Variants in FAM222B observed in about 807,000 individuals in gnomAD.
The protein encoded by FAM222B is family with sequence similarity 222 member B.
Under a neutral mutation model 38.0 loss-of-function variants are expected in FAM222B, and 12 were observed. The observed-to-expected ratio is 0.32, with a 90% CI of 0.20 to 0.51. The LOEUF (loss-of-function observed/expected upper bound fraction) is 0.51, where lower values mean the gene tolerates loss of function less well. Ranked by LOEUF, FAM222B falls within the 20% of genes least tolerant of loss-of-function variation. The pLI, the probability that FAM222B is intolerant of heterozygous loss-of-function variation, is 0.97. For missense variants in FAM222B, 716 were observed against 754.2 expected (o/e 0.95, Z 0.59); for synonymous variants, 329 against 317.2 (o/e 1.04, Z -0.40).
chr17:28,834,144 T>C (rs1203801712), intron 1 of FAM222B: 2 of 152,206 alleles, frequency 1.3e-5, no homozygotes, highest in Non-Finnish European at 2.9e-5. Context: ...CCATGACTAC[T>C]GTACCTGATT....
At chr17:28,820,912 T>A (rs1300308626) in intron 1 of FAM222B, among the ~76,000 whole-genome samples, 1 of 151,952 alleles carries the variant, frequency 6.6e-6, no homozygotes, top group Non-Finnish European at 1.5e-5. Flanking sequence ...AGTGCTGGGA[T>A]TACAGGAGTG....
rs532017770 is a variant in FAM222B at position 28,759,954 on chromosome 17, T to G, written c.83-78A>C. 8.8e-6 allele frequency: 12 copies of G among 1,357,850 alleles called. No homozygotes were observed. In the Admixed American group the frequency reaches 2.6e-4, roughly 30 times the overall value. 84.1% of individuals were successfully genotyped at this position (1,357,850 alleles called of 1,614,324 possible). A position where few individuals can be genotyped will look rare whatever the true frequency, so the allele number is the denominator to read the frequency against. Reference sequence around the variant, plus strand: ...GCCAAGGCAAACAGCCCTTCCAGATTCCCCTTTTGAGGGCCTGGGGTGGGG... The same window carrying G: ...GCCAAGGCAAACAGCCCTTCCAGATGCCCCTTTTGAGGGCCTGGGGTGGGG... On this transcript the variant is annotated intron_variant, in intron 2 of 2. Transcript: ENST00000581407. The surrounding 1 kb of genome is among the most constrained non-coding windows in gnomAD (Gnocchi z 4.8).
chr17:28,811,140 C>T (rs1467767288), intron 1 of FAM222B, among the ~76,000 whole-genome samples: 3 of 152,140 alleles, frequency 2.0e-5, no homozygotes, highest in South Asian at 2.1e-4. Flanking sequence ...AAACACGTTT[C>T]GTTGAAAATG....
At chr17:28,784,175 A>AT (rs901478798) in intron 1 of FAM222B, among the ~76,000 whole-genome samples, 6 of 151,916 alleles carry the variant, frequency 3.9e-5, no homozygotes, top group African/African-American at 1.5e-4. Context: ...AGTAAACATT[A>AT]TTTACATGTT....
intron 1 of FAM222B, among the ~76,000 whole-genome samples, chr17:28,836,542 T>C (rs2152622886): frequency 6.6e-6 from 1 of 152,016 alleles, no homozygotes; most frequent in South Asian, 2.1e-4. Flanking sequence ...AAGTGAGCAA[T>C]TCCTGTCCCT....
intron 1 of FAM222B, among the ~76,000 whole-genome samples, chr17:28,811,292 T>C (rs1429940820): frequency 6.6e-6 from 1 of 151,912 alleles, no homozygotes; most frequent in South Asian, 2.1e-4. Context: ...TACAAAAAAT[T>C]AGCCAGGTGT....
chr17:28,818,046 A>G (rs903854651), intron 1 of FAM222B, among the ~76,000 whole-genome samples: 5 of 152,162 alleles, frequency 3.3e-5, no homozygotes. Flanking sequence ...GTTAGGCTTC[A>G]AAATCTATTG....
At chr17:28,777,793 T>C (rs78641102) in intron 1 of FAM222B, among the ~76,000 whole-genome samples, 33 of 151,790 alleles carry the variant, frequency 2.2e-4, no homozygotes, top group African/African-American at 6.8e-4. Flanking sequence ...TTTTTTTTTT[T>C]CTTCAGTTTT....
At chr17:28,788,722 T>G (rs993782286) in intron 1 of FAM222B, among the ~76,000 whole-genome samples, 5 of 152,030 alleles carry the variant, frequency 3.3e-5, no homozygotes, top group African/African-American at 1.2e-4. Context: ...TAATTGTAAT[T>G]TGCCCTCCCT....
intron 2 of FAM222B, chr17:28,761,887 T>C (rs1666283724): frequency 6.6e-6 from 1 of 152,144 alleles, no homozygotes; most frequent in Admixed American, 6.6e-5. Flanking sequence ...TTATTGGTCA[T>C]AATCTCATAT....
At chr17:28,848,988 G>C (rs1203363249) in intron 1 of FAM222B, 1 of 151,010 alleles carries the variant, frequency 6.6e-6, no homozygotes, top group Non-Finnish European at 1.5e-5. Context: ...CCGGCCGGGC[G>C]CGGTGGCTTA....
chr17:28,814,013 C>G (rs879197407), intron 1 of FAM222B, among the ~76,000 whole-genome samples: 1 of 151,776 alleles, frequency 6.6e-6, no homozygotes, highest in African/African-American at 2.4e-5. Flanking sequence ...TGTTCGAGAC[C>G]AGCCTGGTCA....
chr17:28,821,481 T>C (rs1040138975), intron 1 of FAM222B, among the ~76,000 whole-genome samples: 2 of 152,202 alleles, frequency 1.3e-5, no homozygotes, highest in Non-Finnish European at 2.9e-5. Flanking sequence ...CAAGCCAAAA[T>C]GGTCCTGTTA....
intron 1 of FAM222B, among the ~76,000 whole-genome samples, chr17:28,820,758 C>G (rs926471495): frequency 1.3e-5 from 2 of 151,946 alleles, no homozygotes; most frequent in East Asian, 3.9e-4. Context: ...CTTGGCCTCC[C>G]GAGTAGCGGG....
intron 1 of FAM222B, among the ~76,000 whole-genome samples, chr17:28,840,328 T>C (rs2038994430): frequency 6.6e-6 from 1 of 152,130 alleles, no homozygotes; most frequent in Admixed American, 6.5e-5. Context: ...ATTGCGCTAC[T>C]GCACTCCAGC....
rs2039216808 is a variant in FAM222B at position 28,854,942 on chromosome 17, A to C, written c.-41+8T>G. 9.1e-6 allele frequency: 13 copies of C among 1,423,936 alleles called. 1 individual carries two copies. The highest frequency in any genetic ancestry group is 1.1e-5 in the Non-Finnish European group (12 of 1,067,446). 88.2% of individuals were successfully genotyped at this position (1,423,936 alleles called of 1,614,324 possible). A position where few individuals can be genotyped will look rare whatever the true frequency, so the allele number is the denominator to read the frequency against. On this transcript the variant is annotated splice_region_variant and intron_variant, in intron 1 of 2. Coordinates refer to the FAM222B transcript ENST00000577513. Reference sequence around the variant, plus strand: ...ATGTGTCTCGGCTTTCAATTTGGGCAGACCTACCTCTCTCCTACTCGCTGG... The same window carrying C: ...ATGTGTCTCGGCTTTCAATTTGGGCCGACCTACCTCTCTCCTACTCGCTGG...
chr17:28,818,377 A>C (rs979510926), intron 1 of FAM222B, among the ~76,000 whole-genome samples: 1 of 151,236 alleles, frequency 6.6e-6, no homozygotes, highest in African/African-American at 2.4e-5. Flanking sequence ...AAATACAAAA[A>C]ATTAGCTGGG....
intron 1 of FAM222B, among the ~76,000 whole-genome samples, chr17:28,840,989 A>C (rs796066433): frequency 2.7e-5 from 4 of 148,672 alleles, no homozygotes; most frequent in African/African-American, 9.9e-5. Context: ...TAATAAAATA[A>C]AATAAAAATA....
intron 1 of FAM222B, among the ~76,000 whole-genome samples, chr17:28,839,934 GTA>G (rs953176613): frequency 5.2e-4 from 78 of 151,412 alleles, no homozygotes; most frequent in African/African-American, 1.8e-3. Flanking sequence ...CAAGAATCTA[GTA>G]TAGCCCCTCC....
Sources: gnomAD v4.1 joint callset for allele counts (sites outside exome capture counted in the v4.1 genomes callset) on GRCh38, gnomAD v4.1.1 for gene constraint, Gnocchi (gnomAD v3.1) non-coding constraint, MANE v1.5 for transcripts, NCBI Gene and HGNC (gene_info 2026-07-23, HGNC 2026-07-21) for gene names.